SYNDIG1L: variants seen among roughly 807,000 people sequenced by gnomAD.
The protein encoded by SYNDIG1L is synapse differentiation-inducing gene protein 1-like.
SYNDIG1L carries 13 observed loss-of-function variants against 20.1 expected under a neutral mutation model. The ratio of observed to expected loss-of-function variants is 0.65; its 90% CI spans 0.42 to 1.03. SYNDIG1L has a LOEUF of 1.03. SYNDIG1L is among the 50% of genes least tolerant of loss of function. The pLI, the probability that SYNDIG1L is intolerant of heterozygous loss-of-function variation, is 0.00. For synonymous variants in SYNDIG1L, 128 were observed against 129.3 expected, an observed-to-expected ratio of 0.99 and a Z score of 0.07; for missense variants, 294 against 305.1, an observed-to-expected ratio of 0.96 and a Z score of 0.27.
the SYNDIG1L span, among the ~76,000 whole-genome samples, chr14:74,466,324 T>A: frequency 4.6e-5 from 7 of 152,210 alleles, no homozygotes; most frequent in East Asian, 1.2e-3. Flanking sequence ...CAGAACTCCA[T>A]GGATACTGGT....
intron 1 of SYNDIG1L, among the ~76,000 whole-genome samples, chr14:74,423,274 G>A (rs1413627868): frequency 6.6e-6 from 1 of 152,218 alleles, no homozygotes; most frequent in African/African-American, 2.4e-5. Flanking sequence ...AGCTCTGGGA[G>A]TGGGGTGTCC....
At chr14:74,450,197 T>A in the SYNDIG1L span, among the ~76,000 whole-genome samples, 1 of 152,108 alleles carries the variant, frequency 6.6e-6, no homozygotes, top group African/African-American at 2.4e-5. Context: ...TATTCCTATA[T>A]CTATTAGAGA....
chr14:74,422,905 G>T (rs1416172068), intron 1 of SYNDIG1L, among the ~76,000 whole-genome samples: 1 of 151,866 alleles, frequency 6.6e-6, no homozygotes, highest in Non-Finnish European at 1.5e-5. Flanking sequence ...CGCCATGTTG[G>T]CCAGGCTGGT....
At chr14:74,428,577 G>A (rs2086282741), upstream of SYNDIG1L, among the ~76,000 whole-genome samples, 1 of 152,198 alleles carries the variant, frequency 6.6e-6, no homozygotes, top group African/African-American at 2.4e-5. Context: ...TGCTGTCATG[G>A]AGTAAGTGAA....
At chr14:74,460,153 G>A in the SYNDIG1L span, among the ~76,000 whole-genome samples, 3 of 152,056 alleles carry the variant, frequency 2.0e-5, no homozygotes, top group Non-Finnish European at 1.5e-5. Context: ...AGCTCAGGAA[G>A]CAGATGGCAG....
the SYNDIG1L span, among the ~76,000 whole-genome samples, chr14:74,431,342 T>C: frequency 1.3e-5 from 2 of 152,144 alleles, no homozygotes; most frequent in East Asian, 1.9e-4. Context: ...AGAACTTTCC[T>C]TGTGCCTTCC....
upstream of SYNDIG1L, among the ~76,000 whole-genome samples, chr14:74,428,534 T>A (rs565541885): frequency 2.0e-5 from 3 of 152,304 alleles, no homozygotes; most frequent in East Asian, 1.9e-4. Context: ...TCCATAGACA[T>A]GTTGACCAGC....
intron 1 of SYNDIG1L, among the ~76,000 whole-genome samples, chr14:74,415,843 G>GA (rs1485317735): frequency 1.3e-5 from 2 of 151,562 alleles, no homozygotes; most frequent in Admixed American, 6.6e-5. Context: ...AAGGAGGCAA[G>GA]AAAAAATAGA....
chr14:74,462,215 G>A, the SYNDIG1L span, among the ~76,000 whole-genome samples: 1 of 151,758 alleles, frequency 6.6e-6, no homozygotes, highest in African/African-American at 2.4e-5. Flanking sequence ...CAGGCGCTGT[G>A]GCTCACTCCT....
the SYNDIG1L span, among the ~76,000 whole-genome samples, chr14:74,445,285 G>A: frequency 6.6e-6 from 1 of 152,166 alleles, no homozygotes; most frequent in East Asian, 1.9e-4. Context: ...ACAGACTGCA[G>A]AACTTTGAAC....
At chr14:74,432,892 T>C in the SYNDIG1L span, among the ~76,000 whole-genome samples, 1 of 151,770 alleles carries the variant, frequency 6.6e-6, no homozygotes, top group Non-Finnish European at 1.5e-5. Context: ...GGATGGACGG[T>C]AGACTTTTTT....
At chr14:74,408,770 T>C (rs1484824421) in intron 2 of SYNDIG1L, among the ~76,000 whole-genome samples, 1 of 152,130 alleles carries the variant, frequency 6.6e-6, no homozygotes, top group East Asian at 1.9e-4. Context: ...AGATTTCTTC[T>C]GGGGAGTGGG....
At position 74,406,728 on chromosome 14, in the gene SYNDIG1L, C is replaced by G. The variant is rs2086083456; in HGVS notation, c.*807G>C. On this transcript the variant is annotated 3_prime_UTR_variant, in exon 4 of 4. Coordinates refer to ENST00000331628, the MANE Select transcript of SYNDIG1L (RefSeq NM_001105579.2). ...ACTTGTGATGGCACCAGCTCACGGACCCCCAGGCAAAGCCCAGAAAAGGAT... is the reference window on the plus strand; with the variant it reads ...ACTTGTGATGGCACCAGCTCACGGAGCCCCAGGCAAAGCCCAGAAAAGGAT... 6.6e-6 allele frequency: 1 copy of G among 152,338 alleles called. No homozygotes were observed. Among genetic ancestry groups the G allele is most frequent in the African/African-American group, 2.4e-5 (1 of 41,412 alleles). 9.4% of individuals were successfully genotyped at this position (152,338 alleles called of 1,614,324 possible).
chr14:74,456,503 T>C, the SYNDIG1L span, among the ~76,000 whole-genome samples: 92 of 152,242 alleles, frequency 6.0e-4, no homozygotes, highest in Non-Finnish European at 1.2e-3. Flanking sequence ...CACCCCAGCC[T>C]GGGCAACAAG....
the SYNDIG1L span, among the ~76,000 whole-genome samples, chr14:74,477,088 A>ACT: frequency 4.4e-3 from 327 of 74,884 alleles, 41 homozygotes; most frequent in African/African-American, 0.017. Flanking sequence ...ACACACACAC[A>ACT]CAACCCTGTC....
the SYNDIG1L span, among the ~76,000 whole-genome samples, chr14:74,448,740 A>G: frequency 6.6e-6 from 1 of 152,176 alleles, no homozygotes; most frequent in African/African-American, 2.4e-5. Flanking sequence ...CAAGAGAAAT[A>G]TATCTAGAAA....
the SYNDIG1L span, among the ~76,000 whole-genome samples, chr14:74,435,578 G>C: frequency 6.6e-6 from 1 of 152,202 alleles, no homozygotes; most frequent in African/African-American, 2.4e-5. Flanking sequence ...CAAAGTGCTT[G>C]CTGTGAATCT....
At chr14:74,453,354 A>T in the SYNDIG1L span, among the ~76,000 whole-genome samples, 1 of 30,190 alleles carries the variant, frequency 3.3e-5, no homozygotes, top group African/African-American at 3.2e-4. Context: ...CTCTGTCTCA[A>T]AAAAAAAAAA....
intron 1 of SYNDIG1L, among the ~76,000 whole-genome samples, chr14:74,424,073 A>C (rs935561245): frequency 6.6e-6 from 1 of 152,166 alleles, no homozygotes; most frequent in African/African-American, 2.4e-5. Flanking sequence ...CTCCATTCAT[A>C]AAATCCAGTT....
Sources: gnomAD v4.1 joint callset for allele counts (sites outside exome capture counted in the v4.1 genomes callset) on GRCh38, gnomAD v4.1.1 for gene constraint, MANE v1.5 for transcripts, NCBI Gene and HGNC (gene_info 2026-07-23, HGNC 2026-07-21) for gene names.